Variants in EXOG observed in about 807,000 individuals in gnomAD.
The protein encoded by EXOG is nuclease EXOG, mitochondrial.
Under a neutral mutation model 25.8 loss-of-function variants are expected in EXOG, and 27 were observed. The ratio of observed to expected loss-of-function variants is 1.05; its 90% CI spans 0.77 to 1.45. The LOEUF (loss-of-function observed/expected upper bound fraction) is 1.45, where lower values mean the gene tolerates loss of function less well. Ranked by LOEUF, EXOG falls within the 40% of genes most tolerant of loss-of-function variation. EXOG has a pLI of 0.00. For missense variants in EXOG, 458 were observed against 450.5 expected, an observed-to-expected ratio of 1.02 and a Z score of -0.15; for synonymous variants, 133 against 167.0, an observed-to-expected ratio of 0.80 and a Z score of 1.57.
In EXOG at chr3:38,503,669, A is replaced by G; in HGVS notation, c.508A>G (p.Asn170Asp). ...LSNIVPQDFD[N>D]NSGYWNRIEM... is the part of the protein sequence containing the mutation. ...TAACATTGTGCCTCAGGATTTTGAT[A>G]ATAATTCTGGATATTGGAACAGGTG... The change falls in exon 4 of 6, where the codon AAT becomes GAT. Residue 170 changes from asparagine to aspartate, a missense_variant. Around this residue, in one of 3 missense-constraint regions of EXOG, gnomAD observed 275 missense variants for 230.5 expected, o/e 1.19. Coordinates refer to ENST00000287675, the MANE Select transcript of EXOG (RefSeq NM_005107.4). The G allele has an allele frequency of 6.2e-7, 1 of 1,600,072 alleles. No homozygotes were observed. The highest frequency in any genetic ancestry group is 8.6e-7 in the Non-Finnish European group (1 of 1,167,924).
intron 5 of EXOG, among the ~76,000 whole-genome samples, chr3:38,514,778 C>CTCTTTTTTT (rs2060485349): frequency 8.8e-6 from 1 of 113,618 alleles, no homozygotes; most frequent in African/African-American, 3.5e-5. Flanking sequence ...CCTCCCCCTG[C>CTCTTTTTTT]TTTTTTTTTT....
At chr3:38,516,992 T>A (rs2060565120) in intron 5 of EXOG, among the ~76,000 whole-genome samples, 2 of 152,340 alleles carry the variant, frequency 1.3e-5, no homozygotes, top group South Asian at 4.1e-4. Flanking sequence ...GATTTTAACT[T>A]TACTTGGTTA....
intron 1 of EXOG, 197 bp downstream of exon 1, chr3:38,496,727 C>T: frequency 6.9e-7 from 1 of 1,450,040 alleles, no homozygotes; most frequent in African/African-American, 1.4e-5. Flanking sequence ...CCCTCATGTC[C>T]TTCCTTCCCC....
At chr3:38,503,772 C>G in intron 4 of EXOG, 81 bp downstream of exon 4, 1 of 794,676 alleles carries the variant, frequency 1.3e-6, no homozygotes, top group Non-Finnish European at 2.1e-6. Flanking sequence ...TGCCTATTAG[C>G]TGTTTCTGTC....
chr3:38,518,958 T>G (rs1216925052), intron 5 of EXOG, among the ~76,000 whole-genome samples: 1 of 152,220 alleles, frequency 6.6e-6, no homozygotes, highest in East Asian at 1.9e-4. Flanking sequence ...GCGCTCAAGT[T>G]TATAGTAAAT....
chr3:38,514,877 T>C (rs1306035177), intron 5 of EXOG, among the ~76,000 whole-genome samples: 1 of 145,688 alleles, frequency 6.9e-6, no homozygotes, highest in Non-Finnish European at 1.5e-5. Flanking sequence ...TTCAAGCAAT[T>C]CTTCTGCCTC....
At chr3:38,520,596 T>C (rs2060685320) in intron 5 of EXOG, among the ~76,000 whole-genome samples, 1 of 152,234 alleles carries the variant, frequency 6.6e-6, no homozygotes, top group African/African-American at 2.4e-5. Flanking sequence ...TGCTTGATTA[T>C]ACGTTTCCCC....
Position 38,497,761 on chromosome 3 carries a change from C to G in EXOG, c.296C>G (p.Ser99Cys). Reference sequence around the variant, plus strand: ...CCTAGATGGGTTCTTGAACATATTTCCAAAAGCAAGATAATGGGTAGGTGG... The same window carrying G: ...CCTAGATGGGTTCTTGAACATATTTGCAAAAGCAAGATAATGGGTAGGTGG... The part of the protein sequence containing the change: ...RVPRWVLEHI[S>C]KSKIMGDADR... The change falls in exon 2 of 6, where the codon TCC becomes TGC. Residue 99 changes from serine to cysteine, a missense_variant. By Grantham distance (112) the Ser-to-Cys change is moderately radical (BLOSUM62 -1). Transcript: ENST00000287675. 6.3e-7 allele frequency: 1 copy of G among 1,596,980 alleles called. No individual in the cohort carries two copies. Among genetic ancestry groups the G allele is most frequent in the Non-Finnish European group, 8.5e-7 (1 of 1,175,924 alleles).
At position 38,503,625 on chromosome 3, in the gene EXOG, C is replaced by A. The variant is rs758132416; in HGVS notation, c.464C>A (p.Ala155Asp). 1.3e-6 allele frequency: 2 copies of A among 1,597,276 alleles called. No individual in the cohort carries two copies. Among genetic ancestry groups the A allele is most frequent in the Non-Finnish European group, 1.7e-6 (2 of 1,165,462 alleles). ...TTTCTTTCTTTACAGAAAGCCATGG[C>A]TGAAACCTTTTACCTTTCTAACATT... Reference protein sequence around the residue: ...GNNKFSSKAMAETFYLSNIVP... With the variant: ...GNNKFSSKAMDETFYLSNIVP... Residue 155 changes from alanine to aspartate, a missense_variant, in exon 4 of 6, where the codon GCT (alanine) becomes GAT (aspartate). By Grantham distance (126) the Ala-to-Asp change is moderately radical. Around this residue, in one of 3 missense-constraint regions of EXOG, gnomAD observed 275 missense variants for 230.5 expected, o/e 1.19. Transcript: ENST00000287675.
At chr3:38,497,186 G>C (rs2059917179) in intron 1 of EXOG, 1 of 1,008,044 alleles carries the variant, frequency 9.9e-7, no homozygotes, top group Non-Finnish European at 1.2e-6. Flanking sequence ...CCCCCTTGGG[G>C]GGTTGAGGAT....
At chr3:38,499,935 G>A in intron 2 of EXOG, among the ~76,000 whole-genome samples, 1 of 152,292 alleles carries the variant, frequency 6.6e-6, no homozygotes, top group Middle Eastern at 3.4e-3. Context: ...ATTATGGGGT[G>A]AGGAGGATTG....
Position 38,526,296 on chromosome 3 carries a change from G to A in EXOG, c.*1934G>A. 1 of 961,872 alleles carries A rather than the reference G, an allele frequency of 1.0e-6. No homozygotes were observed. The highest frequency in any genetic ancestry group is 1.2e-6 in the Non-Finnish European group (1 of 808,868). 59.6% of individuals were successfully genotyped at this position (961,872 alleles called of 1,614,324 possible). On this transcript the variant is annotated 3_prime_UTR_variant, in exon 6 of 6. Transcript: ENST00000287675. ...CAAGGCTTTCAGATAAAGATAAGAT[G>A]ATAATGATTGACATTGTTCTGCTCT...
chr3:38,498,740 ATG>A, intron 2 of EXOG: 1 of 311,358 alleles, frequency 3.2e-6, no homozygotes, highest in Non-Finnish European at 6.4e-6. Context: ...GAGGCCCCCA[ATG>A]TGGACAGGAG....
At chr3:38,508,682 T>C (rs1350868453) in intron 5 of EXOG, among the ~76,000 whole-genome samples, 2 of 149,554 alleles carry the variant, frequency 1.3e-5, no homozygotes, top group African/African-American at 5.0e-5. Context: ...TGATAAAATT[T>C]AATAACCTGA....
At chr3:38,496,766 AC>A in intron 1 of EXOG, 1 of 1,399,712 alleles carries the variant, frequency 7.1e-7, no homozygotes, top group Non-Finnish European at 9.3e-7. Context: ...GCACAGAACC[AC>A]CCCCGCCGCC....
chr3:38,504,022 A>C (rs2125760538), intron 4 of EXOG, among the ~76,000 whole-genome samples: 1 of 152,228 alleles, frequency 6.6e-6, no homozygotes, highest in African/African-American at 2.4e-5. Context: ...TTTCTCTTGT[A>C]TTCCAATATT....
intron 2 of EXOG, among the ~76,000 whole-genome samples, chr3:38,499,924 C>G (rs934584510): frequency 6.6e-6 from 1 of 152,146 alleles, no homozygotes; most frequent in Non-Finnish European, 1.5e-5. Flanking sequence ...GAATTCACAG[C>G]ATTATGGGGT....
chr3:38,501,119 G>A (rs1404778997), intron 2 of EXOG: 1 of 364,744 alleles, frequency 2.7e-6, no homozygotes, highest in African/African-American at 2.1e-5. Context: ...GGAAAGGCCA[G>A]AGTCAAAATT....
chr3:38,514,830 G>A (rs2125787187), intron 5 of EXOG, among the ~76,000 whole-genome samples: 1 of 140,094 alleles, frequency 7.1e-6, no homozygotes, highest in South Asian at 2.2e-4. Context: ...GAGTGCAGTG[G>A]TGCGATCTTG....
Sources: allele counts gnomAD v4.1 joint callset (sites outside exome capture counted in the v4.1 genomes callset), GRCh38; gene constraint gnomAD v4.1.1; regional missense constraint gnomAD v4.1.1; transcripts MANE v1.5; gene names NCBI Gene and HGNC (gene_info 2026-07-23, HGNC 2026-07-21).